Variants in SLC24A2 observed in about 807,000 individuals in gnomAD.
The protein encoded by SLC24A2 is solute carrier family 24 member 2, also known as sodium/potassium/calcium exchanger 2.
In SLC24A2, 36 loss-of-function variants were observed where a neutral mutation model predicts 62.0. That is an observed-to-expected ratio of 0.58 (90% confidence interval 0.44 to 0.77). The LOEUF (loss-of-function observed/expected upper bound fraction) is 0.77, where lower values mean the gene tolerates loss of function less well. Ranked by LOEUF, SLC24A2 falls within the 30% of genes least tolerant of loss-of-function variation. The probability of loss-of-function intolerance (pLI) is 0.00; values close to 1 mark genes in which losing one functional copy is unlikely to be tolerated. For missense variants in SLC24A2, 846 were observed against 817.9 expected, an observed-to-expected ratio of 1.03 and a Z score of -0.42; for synonymous variants, 358 against 294.0, an observed-to-expected ratio of 1.22 and a Z score of -2.23.
the SLC24A2 span, among the ~76,000 whole-genome samples, chr9:20,257,576 G>A: frequency 2.6e-5 from 4 of 152,094 alleles, no homozygotes; most frequent in African/African-American, 9.7e-5. Flanking sequence ...ATGTTTATAA[G>A]TACAGAAAGA....
chr9:20,035,649 G>A, the SLC24A2 span, among the ~76,000 whole-genome samples: 1 of 152,136 alleles, frequency 6.6e-6, no homozygotes, highest in Non-Finnish European at 1.5e-5. Context: ...AGCTATTCGG[G>A]AGGCTGAGGC....
At chr9:19,658,447 T>C (rs1398687316) in intron 2 of SLC24A2, among the ~76,000 whole-genome samples, 1 of 152,204 alleles carries the variant, frequency 6.6e-6, no homozygotes, top group African/African-American at 2.4e-5. Context: ...TTGAAGATGA[T>C]CAGAACCATA....
At chr9:20,154,687 G>A in the SLC24A2 span, among the ~76,000 whole-genome samples, 5 of 151,212 alleles carry the variant, frequency 3.3e-5, no homozygotes, top group South Asian at 2.1e-4. Context: ...TTAATAAAAT[G>A]TATTGGGCTC....
intron 2 of SLC24A2, among the ~76,000 whole-genome samples, chr9:19,737,372 A>G (rs1160507710): frequency 6.6e-6 from 1 of 152,172 alleles, no homozygotes; most frequent in Non-Finnish European, 1.5e-5. Flanking sequence ...ATTATATTTA[A>G]TTATTATGAA....
chr9:19,673,080 T>C (rs1476447869), intron 2 of SLC24A2, among the ~76,000 whole-genome samples: 1 of 146,494 alleles, frequency 6.8e-6, no homozygotes, highest in East Asian at 1.9e-4. Flanking sequence ...TTAAATCCAT[T>C]GTTTCTTTGT....
At chr9:19,751,520 TG>T (rs1170946594) in intron 2 of SLC24A2, among the ~76,000 whole-genome samples, 1 of 152,174 alleles carries the variant, frequency 6.6e-6, no homozygotes, top group Non-Finnish European at 1.5e-5. Flanking sequence ...GTGATTTTAC[TG>T]TGCAGCCAGC....
the SLC24A2 span, among the ~76,000 whole-genome samples, chr9:20,171,495 A>G: frequency 2.6e-5 from 4 of 152,086 alleles, no homozygotes; most frequent in African/African-American, 9.7e-5. Context: ...AAGGACTCAC[A>G]TAAACTTAAG....
the SLC24A2 span, among the ~76,000 whole-genome samples, chr9:19,903,889 G>C: frequency 6.6e-6 from 1 of 152,174 alleles, no homozygotes; most frequent in Non-Finnish European, 1.5e-5. Context: ...CCATGTCCTT[G>C]TGAGTAGGTG....
chr9:20,007,625 A>G, the SLC24A2 span, among the ~76,000 whole-genome samples: 6 of 152,152 alleles, frequency 3.9e-5, no homozygotes, highest in Admixed American at 2.6e-4. Context: ...TGGGGATTTC[A>G]ACATGAAACT....
chr9:19,531,204 A>G (rs1833692478), intron 8 of SLC24A2, among the ~76,000 whole-genome samples: 1 of 152,086 alleles, frequency 6.6e-6, no homozygotes, highest in South Asian at 2.1e-4. Context: ...CTACTTTACC[A>G]TTTCCATTTT....
At chr9:19,983,990 G>A in the SLC24A2 span, among the ~76,000 whole-genome samples, 60 of 152,168 alleles carry the variant, frequency 3.9e-4, no homozygotes, top group Non-Finnish European at 2.9e-5. Flanking sequence ...TACGCATTCA[G>A]TATGCTCCTC....
At chr9:20,050,617 TTTA>T in the SLC24A2 span, among the ~76,000 whole-genome samples, 2 of 152,180 alleles carry the variant, frequency 1.3e-5, no homozygotes, top group Non-Finnish European at 2.9e-5. Flanking sequence ...ACTCCATAAG[TTTA>T]TTACAGGGTT....
the SLC24A2 span, among the ~76,000 whole-genome samples, chr9:20,181,582 G>C: frequency 6.6e-6 from 1 of 152,172 alleles, no homozygotes; most frequent in Non-Finnish European, 1.5e-5. Flanking sequence ...TGGCTACCGT[G>C]TGTAGAAAGC....
At chr9:20,076,880 T>TATATATATATATATATAC in the SLC24A2 span, among the ~76,000 whole-genome samples, 2 of 120,552 alleles carry the variant, frequency 1.7e-5, no homozygotes, top group African/African-American at 6.4e-5. Context: ...TATATATATA[T>TATATATATATATATATAC]ACATATCATA....
At chr9:19,724,540 G>C (rs1469616555) in intron 2 of SLC24A2, among the ~76,000 whole-genome samples, 1 of 152,080 alleles carries the variant, frequency 6.6e-6, no homozygotes, top group Non-Finnish European at 1.5e-5. Context: ...GTTGGGAGGA[G>C]ACCCTGCTAA....
the SLC24A2 span, among the ~76,000 whole-genome samples, chr9:19,824,219 C>G: frequency 6.6e-6 from 1 of 152,138 alleles, no homozygotes; most frequent in Admixed American, 6.5e-5. Context: ...AAGAAACTAT[C>G]ATCAGAGTGA....
At chr9:19,918,712 A>G in the SLC24A2 span, among the ~76,000 whole-genome samples, 6 of 152,214 alleles carry the variant, frequency 3.9e-5, no homozygotes, top group African/African-American at 1.2e-4. Flanking sequence ...CAAGAGAATC[A>G]TATGAATCCA....
At chr9:19,557,438 G>A (rs1411455534) in intron 7 of SLC24A2, among the ~76,000 whole-genome samples, 4 of 152,200 alleles carry the variant, frequency 2.6e-5, no homozygotes, top group East Asian at 1.9e-4. Flanking sequence ...GGCAGAGGGC[G>A]AGAAGTAGGT....
intron 2 of SLC24A2, among the ~76,000 whole-genome samples, chr9:19,739,950 T>C (rs960104670): frequency 1.3e-5 from 2 of 152,126 alleles, no homozygotes; most frequent in African/African-American, 4.8e-5. Context: ...TATAAAGAAC[T>C]CCTACAAATC....
Sources: gnomAD v4.1 joint callset for allele counts (sites outside exome capture counted in the v4.1 genomes callset) on GRCh38, gnomAD v4.1.1 for gene constraint, MANE v1.5 for transcripts, NCBI Gene and HGNC (gene_info 2026-07-23, HGNC 2026-07-21) for gene names.